XIRP2: variants seen among roughly 807,000 people sequenced by gnomAD.
XIRP2 encodes the protein xin actin binding repeat containing 2, also known as xin actin-binding repeat-containing protein 2.
XIRP2 carries 236 observed loss-of-function variants against 277.0 expected under a neutral mutation model. The observed-to-expected ratio is 0.85, with a 90% CI of 0.77 to 0.95. XIRP2 has a LOEUF of 0.95. Ranked by LOEUF, XIRP2 falls within the 40% of genes least tolerant of loss-of-function variation. The pLI is 0.00. For synonymous variants in XIRP2, 1,490 were observed against 1,416.5 expected (o/e 1.05, Z -1.17); for missense variants, 4,640 against 4,157.5 (o/e 1.12, Z -3.19).
Position 167,210,794 on chromosome 2 carries a change from G to A in XIRP2, c.622G>A (p.Glu208Lys), listed in dbSNP as rs762762231. 1.4e-5 allele frequency: 23 copies of A among 1,614,078 alleles called. No individual in the cohort carries two copies. Among genetic ancestry groups the A allele is most frequent in the East Asian group, 4.5e-5 (2 of 44,890 alleles). The change falls in exon 4 of 11, where the codon GAG (glutamate) becomes AAG (lysine). Residue 208 changes from glutamate to lysine, a missense_variant. Transcript: ENST00000409195. The stretch of plus-strand genomic sequence containing the variant: ...TGCAGAAGACAGTGCTGCTCGGGGC[G>A]AGGGTGTGTCAGACCTCCACGAAGT... The part of the protein sequence containing the change: ...GFAEDSAARG[E>K]GVSDLHEVVS...
rs200155390 is a variant in XIRP2 at position 167,218,332 on chromosome 2, G to A, written c.858+32G>A. 5.7e-6 allele frequency: 8 copies of A among 1,404,504 alleles called. No homozygotes were observed. In the African/African-American group the frequency reaches 7.3e-5, roughly 13 times the overall value. The allele number at this position is 1,404,504 out of a possible 1,614,324, so 87.0% of individuals were successfully genotyped here. A position where few individuals can be genotyped will look rare whatever the true frequency, so the allele number is the denominator to read the frequency against. On this transcript the variant is annotated intron_variant, in intron 5 of 10. Coordinates refer to ENST00000409195, the MANE Select transcript of XIRP2 (RefSeq NM_152381.6). Reference sequence around the variant, plus strand: ...CTACTACAGGTGATGGGTAAATCAGGCATGGTTGAAATGCTCTCATTTTGG... The same window carrying A: ...CTACTACAGGTGATGGGTAAATCAGACATGGTTGAAATGCTCTCATTTTGG...
At chr2:167,252,027 A>G (rs1430515748) in intron 9 of XIRP2, 80 bp downstream of exon 9, 2 of 1,495,668 alleles carry the variant, frequency 1.3e-6, no homozygotes, top group Non-Finnish European at 1.8e-6. Context: ...GTACAGTTAA[A>G]AAGAGTGCGT....
rs553201622 is a variant in XIRP2, at chr2:167,122,908, G to T, written c.409-13001G>T. 4.7e-4 allele frequency among the ~76,000 whole-genome samples: 72 copies of T among 152,048 alleles called. No homozygotes were observed. The South Asian group carries it at 0.015, about 32-fold the overall frequency. On this transcript the variant is annotated intron_variant, in intron 2 of 10. Coordinates refer to ENST00000409195, the MANE Select transcript of XIRP2 (RefSeq NM_152381.6). ...TTTTTTATTTGGGTCTTCATGCCAG[G>T]GACTTCCATGGGACTGTGTGCCTTA...
intron 3 of XIRP2, among the ~76,000 whole-genome samples, chr2:167,209,265 C>T (rs1693952580): frequency 6.6e-6 from 1 of 152,126 alleles, no homozygotes; most frequent in Admixed American, 6.5e-5. Context: ...AAACCAAATA[C>T]TCTAGGAAGG....
In XIRP2 at chr2:167,250,598, A is replaced by T; in HGVS notation, c.9206A>T (p.Gln3069Leu). The change falls in exon 9 of 11, where the codon CAG (glutamine) becomes CTG (leucine). Residue 3069 changes from glutamine to leucine, a missense_variant. Physicochemically the swap from Gln to Leu is moderately radical, Grantham distance 113. Transcript: ENST00000409195. ...GTCAGCAATAATAAAAATAGTGAAC[A>T]GAAAGAAAATAAAATTGCCAAAGAG... ...VHVSNNKNSE[Q>L]KENKIAKEKT... The T allele has an allele frequency of 5.0e-6, 8 of 1,613,430 alleles. No individual in the cohort carries two copies. The highest frequency in any genetic ancestry group is 6.8e-6 in the Non-Finnish European group (8 of 1,179,654).
rs560119601 is a variant in XIRP2 at position 167,086,059 on chromosome 2, A to T, written c.409-49850A>T. Among the ~76,000 whole-genome samples, 1,349 of 152,072 alleles carry T rather than the reference A, an allele frequency of 8.9e-3. 66 individuals carry two copies. Among genetic ancestry groups the T allele is most frequent in the Admixed American group, 0.08 (1,215 of 15,276 alleles). ...GTCTCGATGGTCTTTACATTTTGGCATGATTTTGCAGCAGCTGGTACCGGT... is the reference window on the plus strand; with the variant it reads ...GTCTCGATGGTCTTTACATTTTGGCTTGATTTTGCAGCAGCTGGTACCGGT... On this transcript the variant is annotated intron_variant, in intron 2 of 10. Coordinates refer to ENST00000409195, the MANE Select transcript of XIRP2 (RefSeq NM_152381.6).
At chr2:167,003,633 G>A (rs1687427905) in intron 2 of XIRP2, among the ~76,000 whole-genome samples, 1 of 151,762 alleles carries the variant, frequency 6.6e-6, no homozygotes. Flanking sequence ...TTGAGTAATT[G>A]GAGAATTTGC....
rs1261768608 is a variant in XIRP2, at chr2:167,251,406, G to C, written c.10014G>C (p.Arg3338Ser). The change falls in exon 9 of 11, where the codon AGG (arginine) becomes AGC (serine). Residue 3338 changes from arginine to serine, a missense_variant. Arg to Ser is a moderately radical substitution (Grantham distance 110, BLOSUM62 -1). Transcript: ENST00000409195. The part of the protein sequence containing the change: ...DPENEINRWF[R>S]EFEHGPVSEA... ...AAAATGAAATAAACAGATGGTTCAGGGAATTTGAGCATGGCCCAGTTTCTG... is the reference window on the plus strand; with the variant it reads ...AAAATGAAATAAACAGATGGTTCAGCGAATTTGAGCATGGCCCAGTTTCTG... 1.2e-6 allele frequency: 2 copies of C among 1,613,568 alleles called. No homozygotes were observed. The highest frequency in any genetic ancestry group is 2.2e-5 in the South Asian group (2 of 91,072).
chr2:167,248,916 A>G lies in XIRP2; in HGVS notation c.7524A>G (p.Ser2508=), dbSNP rs1396056401. 3 of 1,613,852 alleles carry G rather than the reference A, an allele frequency of 1.9e-6. No homozygotes were observed. Among genetic ancestry groups the G allele is most frequent in the Non-Finnish European group, 2.5e-6 (3 of 1,179,838 alleles). Reference sequence around the variant, plus strand: ...TCTCACACACAGTTCCAGGAACTTCAGCACCCAGGAAAAAACAGATTGCGC... The same window carrying G: ...TCTCACACACAGTTCCAGGAACTTCGGCACCCAGGAAAAAACAGATTGCGC... ...NCLSHTVPGT[S]APRKKQIAPL... The change falls in exon 9 of 11, where the codon TCA becomes TCG. Residue 2508 remains serine (S), a synonymous_variant. Coordinates refer to ENST00000409195, the MANE Select transcript of XIRP2 (RefSeq NM_152381.6).
intron 2 of XIRP2, among the ~76,000 whole-genome samples, chr2:167,096,404 T>G (rs1031785359): frequency 1.3e-5 from 2 of 152,182 alleles, no homozygotes; most frequent in Non-Finnish European, 2.9e-5. Context: ...CTCCCCTTTA[T>G]CATTTTTTAT....
At chr2:166,949,002 G>A (rs1019330661) in intron 2 of XIRP2, among the ~76,000 whole-genome samples, 2 of 151,652 alleles carry the variant, frequency 1.3e-5, no homozygotes, top group African/African-American at 2.4e-5. Flanking sequence ...ATCTCATCAG[G>A]GTGTTTTTTT....
At chr2:166,975,176 G>T (rs1056365018) in intron 2 of XIRP2, among the ~76,000 whole-genome samples, 2 of 152,140 alleles carry the variant, frequency 1.3e-5, no homozygotes, top group Admixed American at 6.5e-5. Context: ...AGAATTAAAT[G>T]GATAAATAGA....
intron 2 of XIRP2, among the ~76,000 whole-genome samples, chr2:167,032,330 T>C (rs1472489946): frequency 6.6e-6 from 1 of 152,078 alleles, no homozygotes; most frequent in African/African-American, 2.4e-5. Flanking sequence ...ACATAAGACC[T>C]AAAACCATAA....
chr2:167,108,191 A>G (rs1244478366), intron 2 of XIRP2, among the ~76,000 whole-genome samples: 3 of 151,870 alleles, frequency 2.0e-5, no homozygotes, highest in Non-Finnish European at 4.4e-5. Context: ...TTATGTATTA[A>G]TAGTATCTCT....
intron 2 of XIRP2, among the ~76,000 whole-genome samples, chr2:167,011,555 A>C (rs933714338): frequency 1.1e-4 from 16 of 152,018 alleles, no homozygotes; most frequent in Non-Finnish European, 1.6e-4. Context: ...TGTCTCTGCC[A>C]GGCTTTGGTA....
intron 2 of XIRP2, among the ~76,000 whole-genome samples, chr2:167,001,867 T>C (rs979176780): frequency 6.6e-6 from 1 of 152,168 alleles, no homozygotes; most frequent in African/African-American, 2.4e-5. Context: ...TTCTTTCCGA[T>C]GCTTGAAAAA....
chr2:167,168,575 A>T (rs1245258079), intron 3 of XIRP2, among the ~76,000 whole-genome samples: 1 of 152,102 alleles, frequency 6.6e-6, no homozygotes, highest in South Asian at 2.1e-4. Flanking sequence ...TTGCATCTCT[A>T]GCATTCCTTT....
chr2:167,188,787 G>GA (rs1456760382), intron 3 of XIRP2, among the ~76,000 whole-genome samples: 1 of 152,194 alleles, frequency 6.6e-6, no homozygotes, highest in Non-Finnish European at 1.5e-5. Flanking sequence ...AACTGTTTGG[G>GA]AAAAATGCAG....
chr2:166,918,089 A>G (rs1439743706), intron 2 of XIRP2, among the ~76,000 whole-genome samples: 4 of 152,220 alleles, frequency 2.6e-5, no homozygotes, highest in Non-Finnish European at 2.9e-5. Flanking sequence ...GCAGTACATC[A>G]TATCTGGAAA....
Sources: gnomAD v4.1 joint callset for allele counts (sites outside exome capture counted in the v4.1 genomes callset) on GRCh38, gnomAD v4.1.1 for gene constraint, MANE v1.5 for transcripts, NCBI Gene and HGNC (gene_info 2026-07-23, HGNC 2026-07-21) for gene names.